RBPMS: variants seen among roughly 807,000 people sequenced by gnomAD.
RBPMS encodes RNA binding protein, mRNA processing factor.
Under a neutral mutation model 26.8 loss-of-function variants are expected in RBPMS, and 7 were observed. The ratio of observed to expected loss-of-function variants is 0.26; its 90% CI spans 0.15 to 0.49. RBPMS has a LOEUF of 0.49. RBPMS is among the 20% of genes least tolerant of loss of function. RBPMS has a pLI of 0.98. For missense variants in RBPMS, 186 were observed against 250.0 expected (o/e 0.74, Z 1.73); for synonymous variants, 96 against 93.3 (o/e 1.03, Z -0.17).
chr8:30,385,889 G>A (rs1277283241), intron 1 of RBPMS, among the ~76,000 whole-genome samples: 1 of 152,168 alleles, frequency 6.6e-6, no homozygotes. Flanking sequence ...TTGTGACTGC[G>A]GAGCGTTCCT....
At chr8:30,535,747 G>A (rs1824730189) in intron 5 of RBPMS, among the ~76,000 whole-genome samples, 1 of 152,148 alleles carries the variant, frequency 6.6e-6, no homozygotes, top group Non-Finnish European at 1.5e-5. Flanking sequence ...TCCCAGTGTT[G>A]TTACATTAAA....
chr8:30,487,416 G>A (rs928724167), intron 4 of RBPMS, among the ~76,000 whole-genome samples: 8 of 152,200 alleles, frequency 5.3e-5, no homozygotes, highest in Non-Finnish European at 1.0e-4. Context: ...TAAAACCTTA[G>A]GGAGTCGGGT....
intron 4 of RBPMS, among the ~76,000 whole-genome samples, chr8:30,498,061 G>A (rs1178892055): frequency 6.7e-6 from 1 of 150,162 alleles, no homozygotes; most frequent in East Asian, 1.9e-4. Context: ...CTACTAGATG[G>A]GATCGTATAT....
intron 1 of RBPMS, among the ~76,000 whole-genome samples, chr8:30,458,583 C>G (rs1381525457): frequency 6.6e-6 from 1 of 151,970 alleles, no homozygotes; most frequent in African/African-American, 2.4e-5. Context: ...AAACAAAAAA[C>G]AAAAACAAAT....
chr8:30,547,327 C>G (rs1825952837), intron 6 of RBPMS: 1 of 1,613,242 alleles, frequency 6.2e-7, no homozygotes, highest in African/African-American at 1.3e-5. Context: ...ACACACCTGT[C>G]TTTTGTCCAC....
chr8:30,417,438 A>G (rs1350137915), intron 1 of RBPMS, among the ~76,000 whole-genome samples: 1 of 151,838 alleles, frequency 6.6e-6, no homozygotes, highest in Non-Finnish European at 1.5e-5. Context: ...AGAAACTTCT[A>G]GAAAGTTGCA....
At chr8:30,549,012 G>A (rs763374603) in intron 6 of RBPMS, among the ~76,000 whole-genome samples, 1 of 152,180 alleles carries the variant, frequency 6.6e-6, no homozygotes, top group Non-Finnish European at 1.5e-5. Context: ...CTTAGGAGTC[G>A]CCCAGCAGCG....
At chr8:30,431,693 C>T (rs367849062) in intron 1 of RBPMS, among the ~76,000 whole-genome samples, 1 of 152,184 alleles carries the variant, frequency 6.6e-6, no homozygotes, top group African/African-American at 2.4e-5. Context: ...TCAGGTGATC[C>T]GGCCTGCCTC....
intron 1 of RBPMS, among the ~76,000 whole-genome samples, chr8:30,440,835 C>A (rs565640881): frequency 4.2e-4 from 63 of 151,424 alleles, no homozygotes; most frequent in African/African-American, 1.4e-3. Context: ...ACTATCTCAC[C>A]CAGGGTGGGG....
intron 5 of RBPMS, among the ~76,000 whole-genome samples, chr8:30,525,948 ATTGAT>A (rs1367695785): frequency 1.3e-5 from 2 of 152,230 alleles, no homozygotes; most frequent in Non-Finnish European, 2.9e-5. Context: ...TGAGAAATGT[ATTGAT>A]TTATTTGAAA....
At chr8:30,540,157 A>T (rs1239102068) in intron 5 of RBPMS, among the ~76,000 whole-genome samples, 1 of 152,132 alleles carries the variant, frequency 6.6e-6, no homozygotes, top group Non-Finnish European at 1.5e-5. Flanking sequence ...GGGTGGAAGG[A>T]GTAAGTAACT....
At position 30,571,634 on chromosome 8, in the gene RBPMS, C is replaced by T. The variant is rs1447063186; in HGVS notation, c.*1109C>T. The T allele has an allele frequency of 2.6e-5, 4 of 152,284 alleles. No homozygotes were observed. Among genetic ancestry groups the T allele is most frequent in the Non-Finnish European group, 5.9e-5 (4 of 68,062 alleles). The allele number at this position is 152,284 out of a possible 1,614,324, so 9.4% of individuals were successfully genotyped here. ...CTTGGCAGCACTGGGCCAAACCGAC[C>T]ACATACCATGAGCTCCCAAATGGCG... is the stretch of plus-strand genomic sequence containing the variant. On this transcript the variant is annotated 3_prime_UTR_variant, in exon 9 of 9. Coordinates refer to ENST00000397323, the MANE Select transcript of RBPMS (RefSeq NM_001008710.3).
At chr8:30,411,929 T>C (rs1363983495) in intron 1 of RBPMS, among the ~76,000 whole-genome samples, 1 of 148,144 alleles carries the variant, frequency 6.8e-6, no homozygotes, top group East Asian at 2.0e-4. Flanking sequence ...GAGGTTGCAG[T>C]GAACCGAGAT....
chr8:30,471,557 C>T (rs1250731605), intron 1 of RBPMS, among the ~76,000 whole-genome samples: 1 of 151,960 alleles, frequency 6.6e-6, no homozygotes, highest in Non-Finnish European at 1.5e-5. Flanking sequence ...CTCTGTAATC[C>T]AGTTAGAACC....
rs551977117 is a variant in RBPMS at position 30,456,656 on chromosome 8, G to C, written c.67-18123G>C. Among the ~76,000 whole-genome samples the C allele has an allele frequency of 1.3e-5, 2 of 152,262 alleles. 1 individual carries two copies. Among genetic ancestry groups the C allele is most frequent in the African/African-American group, 4.8e-5 (2 of 41,552 alleles). On this transcript the variant is annotated intron_variant, in intron 1 of 8. Transcript: ENST00000397323. Reference sequence around the variant, plus strand: ...TGTAATTAACAATAGCTTAGATGTGGCCTTGCAAGAGTGATTGAGAACCTT... The same window carrying C: ...TGTAATTAACAATAGCTTAGATGTGCCCTTGCAAGAGTGATTGAGAACCTT...
chr8:30,539,407 G>A (rs1563426446), intron 5 of RBPMS, among the ~76,000 whole-genome samples: 1 of 152,086 alleles, frequency 6.6e-6, no homozygotes, highest in Admixed American at 6.5e-5. Context: ...TGAGACAAGA[G>A]GCATGAGTTC....
intron 5 of RBPMS, among the ~76,000 whole-genome samples, chr8:30,539,053 G>A (rs1009926353): frequency 6.6e-6 from 1 of 152,204 alleles, no homozygotes; most frequent in Non-Finnish European, 1.5e-5. Flanking sequence ...AACAGGCATG[G>A]ATCAGCTACT....
chr8:30,552,380 T>C (rs538463721), intron 6 of RBPMS: 5 of 152,038 alleles, frequency 3.3e-5, no homozygotes, highest in Admixed American at 6.6e-5. Flanking sequence ...ATTGTGACAG[T>C]AGGGGTAAAG....
rs577756319 is a variant in RBPMS, at chr8:30,440,338, C to T, written c.67-34441C>T. Among the ~76,000 whole-genome samples, 9 of 152,260 alleles carry T rather than the reference C, an allele frequency of 5.9e-5. No individual in the cohort carries two copies. The East Asian group carries it at 1.4e-3, about 23-fold the overall frequency. ...ACTCTATACCCATTAAACAACAGCT[C>T]GCTGTCCCCACATCCACCCCACCTC... On this transcript the variant is annotated intron_variant, in intron 1 of 8. Coordinates refer to ENST00000397323, the MANE Select transcript of RBPMS (RefSeq NM_001008710.3).
Sources: gnomAD v4.1 joint callset for allele counts (sites outside exome capture counted in the v4.1 genomes callset) on GRCh38, gnomAD v4.1.1 for gene constraint, MANE v1.5 for transcripts, NCBI Gene and HGNC (gene_info 2026-07-23, HGNC 2026-07-21) for gene names.